Variants in NLGN1 observed in about 807,000 individuals in gnomAD.
NLGN1 encodes neuroligin 1, also known as neuroligin-1.
A neutral mutation model predicts 65.5 loss-of-function variants in NLGN1; 12 were observed. The ratio of observed to expected loss-of-function variants is 0.18; its 90% CI spans 0.12 to 0.30. The LOEUF (loss-of-function observed/expected upper bound fraction) is 0.30, where lower values mean the gene tolerates loss of function less well. Ranked by LOEUF, NLGN1 falls within the 10% of genes least tolerant of loss-of-function variation. NLGN1 has a pLI of 1.00. For synonymous variants in NLGN1, 350 were observed against 359.5 expected (o/e 0.97, Z 0.30); for missense variants, 750 against 1,007.1 (o/e 0.74, Z 3.46).
intron 4 of NLGN1, among the ~76,000 whole-genome samples, chr3:174,232,344 G>A (rs2152818905): frequency 6.6e-6 from 1 of 152,098 alleles, no homozygotes; most frequent in East Asian, 1.9e-4. Context: ...TTTTGTGGTG[G>A]AATGTCATCA....
At chr3:174,122,388 A>C (rs1388181587) in intron 4 of NLGN1, among the ~76,000 whole-genome samples, 1 of 152,190 alleles carries the variant, frequency 6.6e-6, no homozygotes, top group East Asian at 1.9e-4. Flanking sequence ...TAAAAATGGC[A>C]GGGTCATACA....
At chr3:173,748,510 C>G (rs545531328) in intron 3 of NLGN1, among the ~76,000 whole-genome samples, 103 of 152,158 alleles carry the variant, frequency 6.8e-4, no homozygotes, top group African/African-American at 2.4e-3. Flanking sequence ...TCTGTATAAA[C>G]ATACATTGTT....
intron 4 of NLGN1, among the ~76,000 whole-genome samples, chr3:174,014,671 A>T (rs929680046): frequency 6.6e-5 from 10 of 152,214 alleles, no homozygotes; most frequent in Non-Finnish European, 1.5e-5. Flanking sequence ...CATAAAATAT[A>T]GACATTTTGG....
At chr3:173,915,841 C>CT (rs140655439) in intron 4 of NLGN1, among the ~76,000 whole-genome samples, 1 of 151,808 alleles carries the variant, frequency 6.6e-6, no homozygotes, top group Non-Finnish European at 1.5e-5. Context: ...GACCATGTAG[C>CT]TTTTTTTTCA....
chr3:174,130,820 T>C lies in NLGN1; in HGVS notation c.647-144495T>C, dbSNP rs1015753556. Among the ~76,000 whole-genome samples the C allele has an allele frequency of 5.3e-5, 8 of 152,276 alleles. No individual in the cohort carries two copies. The East Asian group carries it at 7.7e-4, about 15-fold the overall frequency. On this transcript the variant is annotated intron_variant, in intron 4 of 6. Coordinates refer to ENST00000457714, the Ensembl canonical transcript of NLGN1. ...ATGAAAAGTGGGGTCTAAAATTTGA[T>C]TTTTATACTGAAAGTTAAGAGCATG...
intron 4 of NLGN1, among the ~76,000 whole-genome samples, chr3:174,186,288 A>G (rs1731386412): frequency 6.6e-6 from 1 of 151,992 alleles, no homozygotes; most frequent in Non-Finnish European, 1.5e-5. Flanking sequence ...ATAAAGTCCC[A>G]TTGCTTTTAG....
At chr3:174,167,383 TCTAGTGGCA>T (rs1234072447) in intron 4 of NLGN1, among the ~76,000 whole-genome samples, 3 of 152,162 alleles carry the variant, frequency 2.0e-5, no homozygotes, top group African/African-American at 7.2e-5. Context: ...GTAAGGCTGT[TCTAGTGGCA>T]ACAAATTCCC....
chr3:173,818,996 T>C (rs1413334520), intron 4 of NLGN1, among the ~76,000 whole-genome samples: 1 of 149,310 alleles, frequency 6.7e-6, no homozygotes, highest in Non-Finnish European at 1.5e-5. Context: ...TTTACTGATT[T>C]GCCTTTAAAA....
chr3:173,485,410 AT>A (rs1194998374), intron 2 of NLGN1, among the ~76,000 whole-genome samples: 1 of 152,136 alleles, frequency 6.6e-6, no homozygotes, highest in African/African-American at 2.4e-5. Context: ...TCCTTCAAAA[AT>A]TGTTGTGCTT....
intron 4 of NLGN1, among the ~76,000 whole-genome samples, chr3:174,095,802 C>T (rs1371709782): frequency 1.3e-5 from 2 of 151,936 alleles, no homozygotes; most frequent in Non-Finnish European, 2.9e-5. Context: ...GAGTTCGAGA[C>T]CAGCCTGACC....
chr3:173,989,596 C>A (rs1720669721), intron 4 of NLGN1, among the ~76,000 whole-genome samples: 1 of 152,176 alleles, frequency 6.6e-6, no homozygotes, highest in Non-Finnish European at 1.5e-5. Flanking sequence ...TGATCTCACT[C>A]ACTATAATAG....
At chr3:174,289,320 A>C (rs1242244023), downstream of NLGN1, among the ~76,000 whole-genome samples, 1 of 151,462 alleles carries the variant, frequency 6.6e-6, no homozygotes, top group East Asian at 1.9e-4. Context: ...ATTATTAAGC[A>C]TCTATTATAT....
At chr3:173,810,670 T>A (rs1476831092) in intron 4 of NLGN1, among the ~76,000 whole-genome samples, 2 of 152,236 alleles carry the variant, frequency 1.3e-5, no homozygotes, top group Admixed American at 1.3e-4. Context: ...GATGTGATAA[T>A]GTTTTAATTA....
At chr3:174,181,042 C>CA (rs1730315740) in intron 4 of NLGN1, among the ~76,000 whole-genome samples, 1 of 152,104 alleles carries the variant, frequency 6.6e-6, no homozygotes, top group Non-Finnish European at 1.5e-5. Flanking sequence ...ACTAAATTGC[C>CA]ATGTTCTCCA....
chr3:173,592,763 C>T (rs1377106806), intron 2 of NLGN1, among the ~76,000 whole-genome samples: 1 of 152,162 alleles, frequency 6.6e-6, no homozygotes, highest in East Asian at 1.9e-4. Flanking sequence ...ACCAACAATT[C>T]AAAAGACACA....
intron 3 of NLGN1, among the ~76,000 whole-genome samples, chr3:173,759,171 C>A (rs1053449559): frequency 3.3e-5 from 5 of 151,874 alleles, no homozygotes; most frequent in African/African-American, 4.8e-5. Flanking sequence ...TAAATACACA[C>A]ACACACCCAA....
At chr3:174,251,231 G>A (rs1017314089) in intron 4 of NLGN1, among the ~76,000 whole-genome samples, 3 of 152,132 alleles carry the variant, frequency 2.0e-5, no homozygotes, top group Admixed American at 1.3e-4. Flanking sequence ...AGTTCACAAT[G>A]TATCATGAGT....
At chr3:173,994,491 A>AGAG (rs1553910108) in intron 4 of NLGN1, among the ~76,000 whole-genome samples, 3,933 of 80,160 alleles carry the variant, frequency 0.049, 62 homozygotes, top group East Asian at 0.068. Context: ...AAAAAAAAAA[A>AGAG]AGAGAGAGAG....
chr3:174,015,065 C>T (rs1239333576), intron 4 of NLGN1, among the ~76,000 whole-genome samples: 2 of 152,082 alleles, frequency 1.3e-5, no homozygotes, highest in African/African-American at 4.8e-5. Flanking sequence ...GTCTTATTTA[C>T]CTTGTCTCAA....
Sources: gnomAD v4.1 joint callset for allele counts (sites outside exome capture counted in the v4.1 genomes callset) on GRCh38, gnomAD v4.1.1 for gene constraint, MANE v1.5 for transcripts, NCBI Gene and HGNC (gene_info 2026-07-23, HGNC 2026-07-21) for gene names.